Variants in DCC observed in about 807,000 individuals in gnomAD.
DCC encodes netrin receptor DCC.
A neutral mutation model predicts 172.5 loss-of-function variants in DCC; 58 were observed. That is an observed-to-expected ratio of 0.34 (90% CI 0.27 to 0.42). The LOEUF is 0.42. DCC is among the 10% of genes least tolerant of loss of function. The probability of loss-of-function intolerance (pLI) is 1.00; values close to 1 mark genes in which losing one functional copy is unlikely to be tolerated. For synonymous variants in DCC, 709 were observed against 644.5 expected, an observed-to-expected ratio of 1.10 and a Z score of -1.52; for missense variants, 1,740 against 1,791.0, an observed-to-expected ratio of 0.97 and a Z score of 0.51.
At chr18:52,674,831 C>G (rs887777287) in intron 1 of DCC, among the ~76,000 whole-genome samples, 1 of 152,156 alleles carries the variant, frequency 6.6e-6, no homozygotes, top group African/African-American at 2.4e-5. Flanking sequence ...AAAATTTAAC[C>G]TGAAAGACTG....
chr18:53,074,362 C>T (rs1207141521), intron 7 of DCC, among the ~76,000 whole-genome samples: 1 of 152,118 alleles, frequency 6.6e-6, no homozygotes, highest in Non-Finnish European at 1.5e-5. Flanking sequence ...CTTTAAAGTT[C>T]CATCATTGGT....
chr18:52,914,701 A>G (rs994076193), intron 3 of DCC, among the ~76,000 whole-genome samples: 11 of 152,278 alleles, frequency 7.2e-5, no homozygotes, highest in Admixed American at 3.9e-4. Context: ...AGCACATAGT[A>G]GAGTACCTAC....
intron 1 of DCC, among the ~76,000 whole-genome samples, chr18:52,513,386 G>A (rs2031510472): frequency 6.8e-6 from 1 of 147,984 alleles, no homozygotes; most frequent in Non-Finnish European, 1.5e-5. Context: ...TTCCTTCTCT[G>A]TAAAACAAAG....
At chr18:53,299,485 C>T (rs183202967) in intron 12 of DCC, among the ~76,000 whole-genome samples, 20 of 152,164 alleles carry the variant, frequency 1.3e-4, no homozygotes, top group Non-Finnish European at 2.6e-4. Flanking sequence ...CATTCCCAAC[C>T]CCTCCGTGAA....
intron 4 of DCC, 65 bp from the exon 5 acceptor site, chr18:52,925,169 C>T (rs2145488216): frequency 6.7e-7 from 1 of 1,497,638 alleles, no homozygotes; most frequent in Admixed American, 1.7e-5. Context: ...TCATTTAAAG[C>T]TCTGAGTATC....
chr18:52,539,710 T>A (rs150776709), intron 1 of DCC, among the ~76,000 whole-genome samples: 1 of 152,210 alleles, frequency 6.6e-6, no homozygotes, highest in East Asian at 1.9e-4. Context: ...TACAACATAA[T>A]GATGTAGTTA....
At chr18:52,816,715 C>T (rs1268695557) in intron 2 of DCC, 1 of 152,104 alleles carries the variant, frequency 6.6e-6, no homozygotes, top group Admixed American at 6.6e-5. Flanking sequence ...ATGACACTCG[C>T]TAGAGAGTTG....
At chr18:52,629,486 G>A (rs1412705817) in intron 1 of DCC, among the ~76,000 whole-genome samples, 1 of 152,162 alleles carries the variant, frequency 6.6e-6, no homozygotes, top group African/African-American at 2.4e-5. Flanking sequence ...CAAGTGTTGT[G>A]AGAGGAGACC....
chr18:53,159,445 A>G (rs2144403771), intron 8 of DCC, among the ~76,000 whole-genome samples: 1 of 152,018 alleles, frequency 6.6e-6, no homozygotes, highest in East Asian at 1.9e-4. Context: ...ATTATTTTCA[A>G]CATCTTTACC....
chr18:52,995,066 A>T (rs9807752), intron 5 of DCC, among the ~76,000 whole-genome samples: 71,384 of 151,956 alleles, frequency 0.47, 17,849 homozygotes, highest in Non-Finnish European at 0.57. Flanking sequence ...CTAAATTAAC[A>T]TGAATTTAAT....
At chr18:52,839,245 G>T (rs1232647110) in intron 2 of DCC, among the ~76,000 whole-genome samples, 1 of 152,084 alleles carries the variant, frequency 6.6e-6, no homozygotes, top group Non-Finnish European at 1.5e-5. Context: ...TTCTATTAAG[G>T]TGATGAAGTG....
chr18:53,417,426 A>G (rs901254083), intron 21 of DCC, among the ~76,000 whole-genome samples: 2 of 147,782 alleles, frequency 1.4e-5, no homozygotes, highest in African/African-American at 4.9e-5. Flanking sequence ...TTTTCATACA[A>G]TTAATATCTA....
chr18:53,437,582 CAAAAAAAA>C (rs74180424), intron 22 of DCC, among the ~76,000 whole-genome samples: 2 of 20,806 alleles, frequency 9.6e-5, no homozygotes, highest in Non-Finnish European at 1.5e-4. Context: ...GGCTCCATCT[CAAAAAAAA>C]AAAAAAAAAA....
intron 14 of DCC, among the ~76,000 whole-genome samples, chr18:53,338,042 C>T (rs530518239): frequency 2.6e-5 from 4 of 152,290 alleles, no homozygotes; most frequent in African/African-American, 9.6e-5. Flanking sequence ...GTGTTAAGCA[C>T]TTATTGAAGT....
At position 53,080,232 on chromosome 18, in the gene DCC, G is replaced by T. The variant is rs766776289; in HGVS notation, c.1261+14066G>T. Among the ~76,000 whole-genome samples, 25 of 152,034 alleles carry T rather than the reference G, an allele frequency of 1.6e-4. 1 individual carries two copies. The highest frequency in any genetic ancestry group is 1.3e-4 in the Admixed American group (2 of 15,228). ...ATGTGCAGGTGGATTAGGAATTGGG[G>T]CTGTTTCCTAAATTCTTGACTTAAC... is the stretch of plus-strand genomic sequence containing the variant. On this transcript the variant is annotated intron_variant, in intron 7 of 28. Transcript: ENST00000442544.
chr18:52,793,361 C>T (rs2037813096), intron 2 of DCC, among the ~76,000 whole-genome samples: 1 of 152,148 alleles, frequency 6.6e-6, no homozygotes, highest in Admixed American at 6.5e-5. Context: ...CTTTGAGGCT[C>T]AACTTTACAG....
At chr18:52,742,746 AG>A (rs200158109) in intron 1 of DCC, among the ~76,000 whole-genome samples, 5,341 of 152,316 alleles carry the variant, frequency 0.035, 134 homozygotes, top group Admixed American at 0.048. Flanking sequence ...TTTTCCAAGT[AG>A]AAGTGAGAAC....
chr18:52,802,399 A>C (rs1164215974), intron 2 of DCC, among the ~76,000 whole-genome samples: 1 of 151,916 alleles, frequency 6.6e-6, no homozygotes, highest in African/African-American at 2.4e-5. Flanking sequence ...ACTGTACGTA[A>C]TTGACCCTTG....
intron 2 of DCC, among the ~76,000 whole-genome samples, chr18:52,820,511 A>G (rs972268499): frequency 6.6e-6 from 1 of 152,132 alleles, no homozygotes; most frequent in Non-Finnish European, 1.5e-5. Flanking sequence ...CTCAATTTCT[A>G]GAGCTCGTGG....
Sources: gnomAD v4.1 joint callset for allele counts (sites outside exome capture counted in the v4.1 genomes callset) on GRCh38, gnomAD v4.1.1 for gene constraint, MANE v1.5 for transcripts, NCBI Gene and HGNC (gene_info 2026-07-23, HGNC 2026-07-21) for gene names.